Variants in OTUD7A observed in about 807,000 individuals in gnomAD.
OTUD7A encodes the protein OTU deubiquitinase 7A.
In OTUD7A, 12 loss-of-function variants were observed where a neutral mutation model predicts 65.7. The ratio of observed to expected loss-of-function variants is 0.18; its 90% confidence interval spans 0.12 to 0.30. OTUD7A has a LOEUF of 0.30. OTUD7A is among the 10% of genes least tolerant of loss of function. The probability of loss-of-function intolerance (pLI) is 1.00; values close to 1 mark genes in which losing one functional copy is unlikely to be tolerated. For synonymous variants in OTUD7A, 641 were observed against 586.3 expected (o/e 1.09, Z -1.35); for missense variants, 1,148 against 1,304.8 (o/e 0.88, Z 1.85).
chr15:31,489,785 C>T (rs7166243), intron 10 of OTUD7A, among the ~76,000 whole-genome samples: 21,547 of 152,238 alleles, frequency 0.14, 1,595 homozygotes, highest in Admixed American at 0.2. Flanking sequence ...ACTTCCCTAT[C>T]ATGGGGTTCC....
At position 31,570,085 on chromosome 15, in the gene OTUD7A, C is replaced by T. The variant is rs1888999577; in HGVS notation, c.264G>A (p.Glu88=). Residue 88 remains glutamate, a synonymous_variant, in exon 4 of 13, where the codon GAG becomes GAA. Coordinates refer to ENST00000307050, the MANE Select transcript of OTUD7A (RefSeq NM_001382637.1). ...FNEGRGPKQP[E]REPQPGHKVE... ...CCTTGTGCCCGGGCTGTGGCTCTCG[C>T]TCTGGCTGCTTGGGACCCCGCCCTT... 1.2e-6 allele frequency: 2 copies of T among 1,614,118 alleles called. No individual in the cohort carries two copies. Among genetic ancestry groups the T allele is most frequent in the Non-Finnish European group, 1.7e-6 (2 of 1,180,052 alleles).
At chr15:31,486,680 A>C (rs2041241990) in intron 12 of OTUD7A, among the ~76,000 whole-genome samples, 1 of 152,198 alleles carries the variant, frequency 6.6e-6, no homozygotes. Context: ...TCCACCCACC[A>C]GTGTGCTGCC....
In OTUD7A at chr15:31,662,393, T is replaced by C. The variant is rs180935521; in HGVS notation, c.-99-5316A>G. On this transcript the variant is annotated intron_variant, in intron 1 of 12. Coordinates refer to ENST00000307050, the MANE Select transcript of OTUD7A (RefSeq NM_001382637.1). ...CCACGGGATCAATTTGTTACTTCTT[T>C]TTTTGAAATATTTTGCATTCGTCGA... Among the ~76,000 whole-genome samples, 5 of 152,350 alleles carry C rather than the reference T, an allele frequency of 3.3e-5. No homozygotes were observed. The East Asian group carries it at 9.6e-4, about 29-fold the overall frequency.
intron 1 of OTUD7A, among the ~76,000 whole-genome samples, chr15:31,836,064 GTA>G (rs1184672568): frequency 2.0e-5 from 3 of 152,014 alleles, no homozygotes; most frequent in African/African-American, 7.3e-5. Flanking sequence ...TGCTCAACCT[GTA>G]TATACACAAG....
chr15:31,618,626 G>GT (rs1329691777), intron 3 of OTUD7A, among the ~76,000 whole-genome samples: 1 of 151,994 alleles, frequency 6.6e-6, no homozygotes, highest in East Asian at 1.9e-4. Context: ...TGATGGGGTT[G>GT]TTTTTTTCTT....
intron 3 of OTUD7A, among the ~76,000 whole-genome samples, chr15:31,579,663 G>A (rs1446354345): frequency 6.6e-6 from 1 of 152,188 alleles, no homozygotes; most frequent in African/African-American, 2.4e-5. Context: ...AAGTGAAACC[G>A]TGGATAAGGG....
At chr15:31,546,530 A>T (rs1233215118) in intron 5 of OTUD7A, among the ~76,000 whole-genome samples, 2 of 152,220 alleles carry the variant, frequency 1.3e-5, no homozygotes, top group Non-Finnish European at 2.9e-5. Flanking sequence ...AAGAAAGACC[A>T]TGTGAGAATA....
At chr15:31,831,490 A>G (rs1485964138) in intron 1 of OTUD7A, among the ~76,000 whole-genome samples, 1 of 152,100 alleles carries the variant, frequency 6.6e-6, no homozygotes, top group Admixed American at 6.5e-5. Context: ...GAAACCCACT[A>G]CTCACCCACG....
At chr15:31,624,329 G>A (rs960688178) in intron 3 of OTUD7A, among the ~76,000 whole-genome samples, 2 of 152,236 alleles carry the variant, frequency 1.3e-5, no homozygotes, top group African/African-American at 4.8e-5. Flanking sequence ...TGCAAGGTAA[G>A]CATTAATATT....
At chr15:31,721,235 A>AGT (rs113971398) in intron 1 of OTUD7A, among the ~76,000 whole-genome samples, 1 of 152,262 alleles carries the variant, frequency 6.6e-6, no homozygotes, top group Non-Finnish European at 1.5e-5. Context: ...CTGGATACGC[A>AGT]GTGTGTGTGT....
At position 31,552,184 on chromosome 15, in the gene OTUD7A, G is replaced by A. The variant is rs541997517; in HGVS notation, c.550+6785C>T. 6.6e-5 allele frequency among the ~76,000 whole-genome samples: 10 copies of A among 152,270 alleles called. No homozygotes were observed. In the East Asian group the frequency reaches 1.9e-3, roughly 29 times the overall value. ...TCCCCTTCCCCTTCTGCCAGGACTGGAAGCTTCCTGAAGCCTTCACCAGAA... is the reference window on the plus strand; with the variant it reads ...TCCCCTTCCCCTTCTGCCAGGACTGAAAGCTTCCTGAAGCCTTCACCAGAA... On this transcript the variant is annotated intron_variant, in intron 5 of 12. Coordinates refer to ENST00000307050, the MANE Select transcript of OTUD7A (RefSeq NM_001382637.1).
At chr15:31,752,434 C>T (rs903882596) in intron 1 of OTUD7A, among the ~76,000 whole-genome samples, 8 of 152,096 alleles carry the variant, frequency 5.3e-5, no homozygotes, top group Admixed American at 4.6e-4. Flanking sequence ...GTGATAGTTG[C>T]TTAAAAGCTA....
chr15:31,757,000 C>T (rs146339307), intron 1 of OTUD7A, among the ~76,000 whole-genome samples: 223 of 152,266 alleles, frequency 1.5e-3, no homozygotes, highest in African/African-American at 5.0e-3. Context: ...CCTGTCTCCT[C>T]GGAGCCACTG....
At chr15:31,855,206 T>A (rs1043637223) in intron 1 of OTUD7A, among the ~76,000 whole-genome samples, 2 of 152,218 alleles carry the variant, frequency 1.3e-5, no homozygotes, top group African/African-American at 4.8e-5. Context: ...AATACCAGCA[T>A]CCAGAAACAT....
chr15:31,861,218 AAT>A (rs1247519568), intron 1 of OTUD7A, among the ~76,000 whole-genome samples: 4 of 152,062 alleles, frequency 2.6e-5, no homozygotes, highest in Non-Finnish European at 5.9e-5. Flanking sequence ...AGACCTAGAG[AAT>A]ATCCCCAGAG....
chr15:31,582,956 A>C (rs1366984813), intron 3 of OTUD7A, among the ~76,000 whole-genome samples: 2 of 152,226 alleles, frequency 1.3e-5, no homozygotes, highest in Non-Finnish European at 2.9e-5. Context: ...CTGGAGTATT[A>C]ATCAGCATTA....
intron 3 of OTUD7A, among the ~76,000 whole-genome samples, chr15:31,595,718 T>G (rs1374850918): frequency 6.6e-6 from 1 of 152,242 alleles, no homozygotes; most frequent in Non-Finnish European, 1.5e-5. Context: ...TGAAGAGGTG[T>G]CAGCAGAGCC....
intron 10 of OTUD7A, among the ~76,000 whole-genome samples, chr15:31,497,387 T>C (rs978669207): frequency 3.3e-5 from 5 of 151,914 alleles, no homozygotes; most frequent in Admixed American, 6.6e-5. Flanking sequence ...GTAGCTGGGA[T>C]TACAGGCACA....
intron 3 of OTUD7A, among the ~76,000 whole-genome samples, chr15:31,605,215 T>A (rs1041459083): frequency 2.0e-5 from 3 of 152,050 alleles, no homozygotes; most frequent in African/African-American, 7.2e-5. Context: ...GTGGTAAATA[T>A]GTTATGTGGC....
Sources: allele counts gnomAD v4.1 joint callset (sites outside exome capture counted in the v4.1 genomes callset), GRCh38; gene constraint gnomAD v4.1.1; transcripts MANE v1.5; gene names NCBI Gene and HGNC (gene_info 2026-07-23, HGNC 2026-07-21).